Variants in PRR16 observed in about 807,000 individuals in gnomAD.
PRR16 encodes proline rich 16.
Under a neutral mutation model 18.2 loss-of-function variants are expected in PRR16, and 6 were observed. That is an observed-to-expected ratio of 0.33 (90% CI 0.18 to 0.65). The LOEUF is 0.65. PRR16 is among the 30% of genes least tolerant of loss of function. The probability of loss-of-function intolerance (pLI) is 0.74; values close to 1 mark genes in which losing one functional copy is unlikely to be tolerated. For missense variants in PRR16, 412 were observed against 376.6 expected, an observed-to-expected ratio of 1.09 and a Z score of -0.78; for synonymous variants, 151 against 147.8, an observed-to-expected ratio of 1.02 and a Z score of -0.16.
chr5:120,580,463 T>G (rs1005118631), intron 1 of PRR16, among the ~76,000 whole-genome samples: 2 of 150,132 alleles, frequency 1.3e-5, no homozygotes, highest in African/African-American at 4.9e-5. Context: ...TTTTTTTTTT[T>G]TTTTTTTTTG....
chr5:120,651,383 T>C (rs1755783629), intron 1 of PRR16, among the ~76,000 whole-genome samples: 1 of 152,204 alleles, frequency 6.6e-6, no homozygotes, highest in African/African-American at 2.4e-5. Flanking sequence ...TTTTGGTGTT[T>C]TAGACATGAA....
the PRR16 span, among the ~76,000 whole-genome samples, chr5:120,760,120 A>C: frequency 6.6e-6 from 1 of 152,130 alleles, no homozygotes; most frequent in African/African-American, 2.4e-5. Flanking sequence ...ATTACTACAC[A>C]TGTATAATTG....
At chr5:120,477,187 T>G (rs925725314) in intron 1 of PRR16, among the ~76,000 whole-genome samples, 2 of 152,180 alleles carry the variant, frequency 1.3e-5, no homozygotes, top group Non-Finnish European at 1.5e-5. Context: ...CATTTATATG[T>G]CCACGACTCC....
chr5:120,574,818 C>G (rs1298344576), intron 1 of PRR16, among the ~76,000 whole-genome samples: 1 of 148,994 alleles, frequency 6.7e-6, no homozygotes, highest in Non-Finnish European at 1.5e-5. Context: ...ATTGACACAA[C>G]TACTTTGACA....
At chr5:120,779,145 A>T in the PRR16 span, among the ~76,000 whole-genome samples, 1 of 152,142 alleles carries the variant, frequency 6.6e-6, no homozygotes, top group Non-Finnish European at 1.5e-5. Flanking sequence ...TACACAAAGA[A>T]GTTTTGCCAG....
rs1471412512 is a variant in PRR16 at position 120,628,708 on chromosome 5, AT to A, written c.160-57245del. Among the ~76,000 whole-genome samples, 30 of 106,812 alleles carry A rather than the reference AT, an allele frequency of 2.8e-4. 1 individual carries two copies. The East Asian group carries it at 0.05, about 177-fold the overall frequency. 70.1% of individuals were successfully genotyped at this position (106,812 alleles called of 152,430 possible). A position where few individuals can be genotyped will look rare whatever the true frequency, so the allele number is the denominator to read the frequency against. On this transcript the variant is annotated intron_variant, in intron 1 of 1. Coordinates refer to ENST00000407149, the MANE Select transcript of PRR16 (RefSeq NM_001300783.2). ...CTATCATTCTACCATCTATCTATCT[AT>A]CTATCTATCTATCTATCTATCTATC...
intron 1 of PRR16, among the ~76,000 whole-genome samples, chr5:120,614,566 C>T (rs933132135): frequency 2.0e-5 from 3 of 152,188 alleles, no homozygotes; most frequent in African/African-American, 2.4e-5. Context: ...AATTTTCAAG[C>T]CTTTTCCACT....
chr5:120,636,761 CA>C (rs912461934), intron 1 of PRR16, among the ~76,000 whole-genome samples: 20 of 151,976 alleles, frequency 1.3e-4, no homozygotes, highest in African/African-American at 4.8e-4. Flanking sequence ...GGAAATGCAA[CA>C]AAAACGAAGA....
At chr5:120,786,251 A>G in the PRR16 span, among the ~76,000 whole-genome samples, 23 of 151,704 alleles carry the variant, frequency 1.5e-4, no homozygotes, top group African/African-American at 5.6e-4. Context: ...TTTTCCATAA[A>G]AATAAAAATT....
At chr5:120,617,991 G>T (rs961275) in intron 1 of PRR16, among the ~76,000 whole-genome samples, 149,642 of 152,254 alleles carry the variant, frequency 0.98, 73,574 homozygotes, top group East Asian at 1. Flanking sequence ...ATAAAAGAAC[G>T]TGGGTTTATT....
chr5:120,783,366 T>C, the PRR16 span, among the ~76,000 whole-genome samples: 1 of 152,132 alleles, frequency 6.6e-6, no homozygotes, highest in Non-Finnish European at 1.5e-5. Flanking sequence ...TTTAATTCTA[T>C]ATATATCCAC....
the PRR16 span, among the ~76,000 whole-genome samples, chr5:120,771,047 TAACA>T: frequency 6.6e-6 from 1 of 151,854 alleles, no homozygotes; most frequent in Non-Finnish European, 1.5e-5. Flanking sequence ...TAAGATAATA[TAACA>T]TTCATTTATT....
chr5:120,601,595 T>A (rs1028967669), intron 1 of PRR16, among the ~76,000 whole-genome samples: 5 of 152,140 alleles, frequency 3.3e-5, no homozygotes, highest in African/African-American at 1.2e-4. Flanking sequence ...AATTTTTGTT[T>A]TTGTTGCAAA....
Position 120,511,625 on chromosome 5 carries a change from A to C in PRR16, c.159+46980A>C, listed in dbSNP as rs569749345. ...TTATGGTAGATTAATTCAGTATTTA[A>C]AGAACTCAGATCTAGGGCAACTTTC... On this transcript the variant is annotated intron_variant, in intron 1 of 1. Transcript: ENST00000407149. Among the ~76,000 whole-genome samples the C allele has an allele frequency of 1.4e-4, 21 of 152,282 alleles. No individual in the cohort carries two copies. The East Asian group carries it at 4.0e-3, about 29-fold the overall frequency.
chr5:120,491,834 G>T (rs1249440871), intron 1 of PRR16, among the ~76,000 whole-genome samples: 1 of 152,120 alleles, frequency 6.6e-6, no homozygotes, highest in Non-Finnish European at 1.5e-5. Context: ...GTGATCCACT[G>T]TGCCCAGCTG....
chr5:120,648,292 A>G (rs1428929297), intron 1 of PRR16, among the ~76,000 whole-genome samples: 3 of 152,046 alleles, frequency 2.0e-5, no homozygotes, highest in Admixed American at 1.3e-4. Context: ...TAGTAGCTTC[A>G]CTTTTTTTAC....
the PRR16 span, among the ~76,000 whole-genome samples, chr5:120,707,850 G>A: frequency 6.6e-6 from 1 of 152,096 alleles, no homozygotes; most frequent in Non-Finnish European, 1.5e-5. Context: ...GCTCTTAAGG[G>A]GCAATTCTCT....
At chr5:120,756,482 G>A in the PRR16 span, among the ~76,000 whole-genome samples, 4 of 151,980 alleles carry the variant, frequency 2.6e-5, no homozygotes, top group Admixed American at 2.6e-4. Context: ...CTTTTTAATA[G>A]CCATTCTGAC....
chr5:120,657,083 C>T (rs1756005274), intron 1 of PRR16, among the ~76,000 whole-genome samples: 1 of 151,900 alleles, frequency 6.6e-6, no homozygotes, highest in South Asian at 2.1e-4. Context: ...GAAAAATCAT[C>T]ACAAAATCAA....
Sources: allele counts gnomAD v4.1 joint callset (sites outside exome capture counted in the v4.1 genomes callset), GRCh38; gene constraint gnomAD v4.1.1; transcripts MANE v1.5; gene names NCBI Gene and HGNC (gene_info 2026-07-23, HGNC 2026-07-21).